Variants in TRPV3 observed in about 807,000 individuals in gnomAD.
The protein encoded by TRPV3 is VRL-3.
A neutral mutation model predicts 87.1 loss-of-function variants in TRPV3; 88 were observed. The observed-to-expected ratio is 1.01, with a 90% CI of 0.85 to 1.21. TRPV3 has a LOEUF of 1.21. Ranked by LOEUF, TRPV3 falls within the 50% of genes most tolerant of loss-of-function variation. The pLI, the probability that TRPV3 is intolerant of heterozygous loss-of-function variation, is 0.00. For missense variants in TRPV3, 1,054 were observed against 1,030.1 expected, an observed-to-expected ratio of 1.02 and a Z score of -0.32; for synonymous variants, 438 against 423.3, an observed-to-expected ratio of 1.03 and a Z score of -0.43.
In TRPV3 at chr17:3,516,550, T is replaced by C; in HGVS notation, c.2105A>G (p.Glu702Gly). 1.2e-6 allele frequency: 2 copies of C among 1,613,976 alleles called. No homozygotes were observed. Among genetic ancestry groups the C allele is most frequent in the Non-Finnish European group, 1.7e-6 (2 of 1,179,936 alleles). The change falls in exon 16 of 18, where the codon GAG becomes GGG. Residue 702 changes from glutamate (E) to glycine (G), a missense_variant. Coordinates refer to ENST00000576742, the MANE Select transcript of TRPV3 (RefSeq NM_145068.4). ...CCATTCTGGTAACATTTTCTCAAACTCCAAGATGGTCCTGGCTCTCTGGGG... is the reference window on the plus strand; with the variant it reads ...CCATTCTGGTAACATTTTCTCAAACCCCAAGATGGTCCTGGCTCTCTGGGG... ...WRLQRARTILEFEKMLPEWLR... is the reference protein window; with the variant it reads ...WRLQRARTILGFEKMLPEWLR...
At chr17:3,550,979 T>C (rs1178659466) in intron 2 of TRPV3, among the ~76,000 whole-genome samples, 3 of 152,120 alleles carry the variant, frequency 2.0e-5, no homozygotes, top group African/African-American at 4.8e-5. Flanking sequence ...CCAATGACCA[T>C]GTCAACCTCT....
At chr17:3,534,585 T>C (rs901473164) in intron 7 of TRPV3, among the ~76,000 whole-genome samples, 4 of 151,994 alleles carry the variant, frequency 2.6e-5, no homozygotes, top group Non-Finnish European at 5.9e-5. Context: ...ACTGTGAAAA[T>C]GAACAGAACT....
At chr17:3,552,348 CA>C (rs2074584530) in intron 2 of TRPV3, 1 of 152,006 alleles carries the variant, frequency 6.6e-6, no homozygotes, top group African/African-American at 2.4e-5. Context: ...CACACGCCAC[CA>C]CACCCGGCTA....
At chr17:3,525,230 G>C (rs1316692409) in intron 12 of TRPV3, among the ~76,000 whole-genome samples, 9 of 152,200 alleles carry the variant, frequency 5.9e-5, no homozygotes, top group Admixed American at 5.9e-4. Flanking sequence ...ATGTTGGCCA[G>C]GCTGGTCTCG....
At chr17:3,535,224 C>CT (rs2074391652) in intron 7 of TRPV3, among the ~76,000 whole-genome samples, 1 of 103,064 alleles carries the variant, frequency 9.7e-6, no homozygotes, top group Non-Finnish European at 2.0e-5. Flanking sequence ...CTGTCTCCTG[C>CT]CTCCCTCCTC....
intron 9 of TRPV3, 89 bp from the exon 10 acceptor site, chr17:3,529,084 G>A (rs1005208259): frequency 1.3e-5 from 18 of 1,424,300 alleles, no homozygotes; most frequent in Non-Finnish European, 1.8e-5. Context: ...CTGAGTCAGT[G>A]CTGCAGAAGG....
intron 5 of TRPV3, 72 bp from the exon 6 acceptor site, chr17:3,542,770 T>A: frequency 6.6e-7 from 1 of 1,522,712 alleles, no homozygotes; most frequent in South Asian, 1.3e-5. Flanking sequence ...CCAGAGGGTG[T>A]GGTTGCTGCA....
At position 3,551,684 on chromosome 17, in the gene TRPV3, C is replaced by A. The variant is rs374320958; in HGVS notation, c.119+3048G>T. ...TCTGTATCTCTGTCTCTGGGCATCACCTTTTCCAGGGTCCAGGAAGGAAGC... is the reference window on the plus strand; with the variant it reads ...TCTGTATCTCTGTCTCTGGGCATCAACTTTTCCAGGGTCCAGGAAGGAAGC... On this transcript the variant is annotated intron_variant, in intron 2 of 17. Transcript: ENST00000576742. Among the ~76,000 whole-genome samples the A allele has an allele frequency of 5.5e-4, 83 of 152,124 alleles. No homozygotes were observed. The East Asian group carries it at 0.014, about 25-fold the overall frequency.
rs980769497 is a variant in TRPV3 at position 3,518,571 on chromosome 17, C to T, written c.2085+5G>A. 4 of 1,550,360 alleles carry T rather than the reference C, an allele frequency of 2.6e-6. No individual in the cohort carries two copies. Among genetic ancestry groups the T allele is most frequent in the Non-Finnish European group, 3.5e-6 (4 of 1,146,350 alleles). On this transcript the variant is annotated splice_donor_5th_base_variant and intron_variant, in intron 15 of 17. Coordinates refer to ENST00000576742, the MANE Select transcript of TRPV3 (RefSeq NM_145068.4). The surrounding 1 kb of genome is among the most constrained non-coding windows in gnomAD (Gnocchi z 4.3). ...CCCCACGCTGGGGTCTCCACCTAGGCTCACCTGCAGGCGCCAGATGCGTTC... is the reference window on the plus strand; with the variant it reads ...CCCCACGCTGGGGTCTCCACCTAGGTTCACCTGCAGGCGCCAGATGCGTTC...
chr17:3,520,466 T>C (rs1209402389), intron 14 of TRPV3, among the ~76,000 whole-genome samples: 2 of 152,180 alleles, frequency 1.3e-5, no homozygotes, highest in Non-Finnish European at 2.9e-5. Context: ...TCTGTTAAAA[T>C]GGGGCTGAAA....
Position 3,514,662 on chromosome 17 carries a change from C to A in TRPV3, c.2209G>T (p.Val737Leu). 6.2e-7 allele frequency: 1 copy of A among 1,613,212 alleles called. No individual in the cohort carries two copies. The highest frequency in any genetic ancestry group is 8.5e-7 in the Non-Finnish European group (1 of 1,179,184). The change falls in exon 17 of 18, where the codon GTG (valine) becomes TTG (leucine). Residue 737 changes from valine (V) to leucine (L), a missense_variant. By Grantham distance (32) the Val-to-Leu change is conservative. Transcript: ENST00000576742. ...TGCGTCTTCCATTCAGTCCACTTCA[C>A]CTCATTGATCCTGCAAATGTGATAA... The part of the protein sequence containing the change: ...DFRLCLRINE[V>L]KWTEWKTHVS...
At position 3,542,587 on chromosome 17, in the gene TRPV3, A is replaced by G; in HGVS notation, c.578T>C (p.Phe193Ser). ...TKEIVRILLA[F>S]AEENDILGRF... ...GCCCAGGATGTCGTTCTCTTCAGCA[A>G]AGGCAAGCAGGATCCGCACTATCTC... The change falls in exon 6 of 18, where the codon TTT becomes TCT. Residue 193 changes from phenylalanine to serine, a missense_variant. Phe to Ser is a radical substitution (Grantham distance 155). Transcript: ENST00000576742. The G allele has an allele frequency of 6.2e-7, 1 of 1,614,018 alleles. No homozygotes were observed. Among genetic ancestry groups the G allele is most frequent in the Middle Eastern group, 1.6e-4 (1 of 6,062 alleles).
chr17:3,514,702 TC>T (rs200648654), intron 16 of TRPV3, 30 bp from the exon 17 acceptor site: 100,574 of 1,553,254 alleles, frequency 0.065, 3,505 homozygotes, highest in South Asian at 0.07. Context: ...TCTTACTATT[TC>T]ACCAGTGCCT....
rs138750116 is a variant in TRPV3, at chr17:3,546,367, G to A, written c.120-1096C>T. On this transcript the variant is annotated intron_variant, in intron 2 of 17. Transcript: ENST00000576742. ...TGAGGCAGGAAAAGTGCTTGAACCC[G>A]GGAGGTGGAGGTTGCAGTGAGCCGA... Among the ~76,000 whole-genome samples, 276 of 152,100 alleles carry A rather than the reference G, an allele frequency of 1.8e-3. 2 individuals are homozygous for A. The East Asian group carries it at 0.031, about 17-fold the overall frequency.
rs1423156458 is a variant in TRPV3, at chr17:3,535,669, T to C, written c.688A>G (p.Ile230Val). ...NIAIERRQGDIAALLIAAGAD... is the reference protein window; with the variant it reads ...NIAIERRQGDVAALLIAAGAD... ...CCGGCGGCGATGAGCAGGGCTGCGA[T>C]GTCCCCCTGCCGCCGCTCGATGGCG... The change falls in exon 7 of 18, where the codon ATC becomes GTC. Residue 230 changes from isoleucine (I) to valine (V), a missense_variant. Coordinates refer to ENST00000576742, the MANE Select transcript of TRPV3 (RefSeq NM_145068.4). 1 of 1,596,746 alleles carries C rather than the reference T, an allele frequency of 6.3e-7. No individual in the cohort carries two copies. The highest frequency in any genetic ancestry group is 1.1e-5 in the South Asian group (1 of 89,196).
At chr17:3,523,885 A>T (rs1195510401) in intron 13 of TRPV3, among the ~76,000 whole-genome samples, 1 of 146,498 alleles carries the variant, frequency 6.8e-6, no homozygotes, top group Non-Finnish European at 1.5e-5. Context: ...GAATATACAT[A>T]TTCCACCTAC....
chr17:3,523,485 G>A (rs374391893), intron 13 of TRPV3, among the ~76,000 whole-genome samples: 22 of 152,228 alleles, frequency 1.4e-4, no homozygotes, highest in African/African-American at 5.1e-4. Flanking sequence ...TTGGGAGGCC[G>A]AGGCAGGTGG....
chr17:3,519,590 A>C (rs1357004236), intron 14 of TRPV3, among the ~76,000 whole-genome samples: 6,624 of 105,420 alleles, frequency 0.063, 361 homozygotes, highest in African/African-American at 0.092. Flanking sequence ...AAATGGATGA[A>C]TGGATGGATG....
intron 13 of TRPV3, among the ~76,000 whole-genome samples, chr17:3,521,277 C>T (rs750944834): frequency 6.6e-6 from 1 of 152,146 alleles, no homozygotes; most frequent in Non-Finnish European, 1.5e-5. Context: ...TGTGATTCAC[C>T]CTGTACCTTT....
Sources: gnomAD v4.1 joint callset for allele counts (sites outside exome capture counted in the v4.1 genomes callset) on GRCh38, gnomAD v4.1.1 for gene constraint, Gnocchi (gnomAD v3.1) non-coding constraint, MANE v1.5 for transcripts, NCBI Gene and HGNC (gene_info 2026-07-23, HGNC 2026-07-21) for gene names.